CCSER1: variants seen among roughly 807,000 people sequenced by gnomAD.
The protein encoded by CCSER1 is coiled-coil serine rich protein 1, also known as serine-rich coiled-coil domain-containing protein 1.
Under a neutral mutation model 82.0 loss-of-function variants are expected in CCSER1, and 41 were observed. The observed-to-expected ratio is 0.50, with a 90% CI of 0.39 to 0.65. The LOEUF is 0.65. Ranked by LOEUF, CCSER1 falls within the 30% of genes least tolerant of loss-of-function variation. The pLI is 0.00. For synonymous variants in CCSER1, 414 were observed against 383.9 expected (o/e 1.08, Z -0.92); for missense variants, 1,119 against 1,064.2 (o/e 1.05, Z -0.72).
chr4:91,576,443 T>C (rs995602865), intron 10 of CCSER1, among the ~76,000 whole-genome samples: 4 of 151,948 alleles, frequency 2.6e-5, no homozygotes, highest in South Asian at 2.1e-4. Flanking sequence ...GGACCAAACT[T>C]TCAGTTATGA....
chr4:90,770,258 C>A lies in CCSER1; in HGVS notation c.2011-45504C>A, dbSNP rs1439053027. On this transcript the variant is annotated intron_variant, in intron 7 of 10. Transcript: ENST00000509176. ...GACCCAGCTAAGCCATACCCAAATT[C>A]CTGACTCACAGAAACTGTGTGAGAT... Among the ~76,000 whole-genome samples, 8 of 152,178 alleles carry A rather than the reference C, an allele frequency of 5.3e-5. No homozygotes were observed. In the East Asian group the frequency reaches 1.5e-3, roughly 29 times the overall value.
chr4:90,623,861 G>A (rs1478484151), intron 5 of CCSER1, among the ~76,000 whole-genome samples: 1 of 152,138 alleles, frequency 6.6e-6, no homozygotes, highest in Non-Finnish European at 1.5e-5. Context: ...GATAGTTTCT[G>A]TTAGGTTCTG....
intron 5 of CCSER1, among the ~76,000 whole-genome samples, chr4:90,553,714 G>A (rs911707310): frequency 5.9e-5 from 9 of 151,980 alleles, no homozygotes; most frequent in South Asian, 4.1e-4. Context: ...TTTACTTGAC[G>A]CTTACTCTGC....
rs535594219 is a variant in CCSER1, at chr4:90,439,023, G to A, written c.1604-29211G>A. 4.6e-5 allele frequency among the ~76,000 whole-genome samples: 7 copies of A among 152,270 alleles called. No individual in the cohort carries two copies. The South Asian group carries it at 1.4e-3, about 32-fold the overall frequency. On this transcript the variant is annotated intron_variant, in intron 4 of 10. Coordinates refer to ENST00000509176, the MANE Select transcript of CCSER1 (RefSeq NM_001145065.2). ...TTTTAAAAAGCCTTGGCTGGGCACG[G>A]TGGCTCACACCTGTAATCCCAGCAC...
intron 4 of CCSER1, among the ~76,000 whole-genome samples, chr4:90,428,107 A>G (rs902907421): frequency 6.6e-6 from 1 of 151,826 alleles, no homozygotes; most frequent in Non-Finnish European, 1.5e-5. Context: ...CAGGAAACCA[A>G]TATATCTGCT....
In CCSER1 at chr4:90,506,697, G is replaced by A. The variant is rs368729982; in HGVS notation, c.1724+38343G>A. Among the ~76,000 whole-genome samples the A allele has an allele frequency of 7.2e-3, 1,097 of 151,772 alleles. 9 individuals are homozygous for A. The highest frequency in any genetic ancestry group is 0.022 in the South Asian group (106 of 4,804). On this transcript the variant is annotated intron_variant, in intron 5 of 10. Coordinates refer to ENST00000509176, the MANE Select transcript of CCSER1 (RefSeq NM_001145065.2). ...GGAGAATGGCTTGAACCTGGGAGGC[G>A]GAGGTCACATTGAGCCAAAATTGTG... is the stretch of plus-strand genomic sequence containing the variant.
chr4:91,504,004 T>A (rs1379937486), intron 10 of CCSER1, among the ~76,000 whole-genome samples: 3 of 152,220 alleles, frequency 2.0e-5, no homozygotes, highest in Non-Finnish European at 4.4e-5. Flanking sequence ...TACTGTCTAC[T>A]CTGCATACAT....
At chr4:91,301,399 C>T (rs1744652965) in intron 10 of CCSER1, among the ~76,000 whole-genome samples, 1 of 151,610 alleles carries the variant, frequency 6.6e-6, no homozygotes. Flanking sequence ...ACATGACTGT[C>T]ATATATTCCA....
chr4:90,832,957 G>A (rs1045992351), intron 8 of CCSER1, among the ~76,000 whole-genome samples: 4 of 152,264 alleles, frequency 2.6e-5, no homozygotes, highest in African/African-American at 7.2e-5. Flanking sequence ...TGAGAGAGCA[G>A]GAAGATATTA....
At chr4:91,436,488 A>G (rs1350146511) in intron 10 of CCSER1, among the ~76,000 whole-genome samples, 1 of 152,216 alleles carries the variant, frequency 6.6e-6, no homozygotes, top group African/African-American at 2.4e-5. Context: ...AGGTGATAGA[A>G]AGTATGAGAA....
At chr4:90,410,061 A>G (rs1440911579) in intron 4 of CCSER1, among the ~76,000 whole-genome samples, 4 of 152,226 alleles carry the variant, frequency 2.6e-5, no homozygotes, top group Non-Finnish European at 4.4e-5. Context: ...TAAAGGGATC[A>G]ATTCAACAAG....
chr4:90,414,726 A>G (rs1338559182), intron 4 of CCSER1, among the ~76,000 whole-genome samples: 1 of 152,122 alleles, frequency 6.6e-6, no homozygotes, highest in Non-Finnish European at 1.5e-5. Flanking sequence ...GATATTTACT[A>G]GCATTTAATA....
intron 9 of CCSER1, among the ~76,000 whole-genome samples, chr4:91,057,113 A>T (rs1184133509): frequency 6.6e-6 from 1 of 152,110 alleles, no homozygotes; most frequent in Non-Finnish European, 1.5e-5. Flanking sequence ...AAGATCCCTG[A>T]TATTTGGAGG....
At chr4:90,211,084 T>C (rs936427167) in intron 1 of CCSER1, among the ~76,000 whole-genome samples, 4 of 152,202 alleles carry the variant, frequency 2.6e-5, no homozygotes, top group Non-Finnish European at 5.9e-5. Flanking sequence ...TACATAGTAA[T>C]ATCAGACAAT....
chr4:90,211,375 G>A (rs1739964595), intron 1 of CCSER1, among the ~76,000 whole-genome samples: 1 of 152,182 alleles, frequency 6.6e-6, no homozygotes, highest in African/African-American at 2.4e-5. Flanking sequence ...CAGCATTAGT[G>A]CTTTCAAGGG....
intron 10 of CCSER1, among the ~76,000 whole-genome samples, chr4:91,177,592 C>T (rs190730321): frequency 1.3e-5 from 2 of 152,210 alleles, no homozygotes; most frequent in South Asian, 2.1e-4. Context: ...TTTAGATTTT[C>T]TAGTTTATTT....
At chr4:91,178,810 AATATTGTT>A (rs1388793315) in intron 10 of CCSER1, among the ~76,000 whole-genome samples, 1 of 152,000 alleles carries the variant, frequency 6.6e-6, no homozygotes, top group Admixed American at 6.6e-5. Context: ...ATTTAAGGTT[AATATTGTT>A]ATGTGTGAAT....
intron 7 of CCSER1, among the ~76,000 whole-genome samples, chr4:90,764,657 A>G (rs1007030502): frequency 1.3e-5 from 2 of 152,138 alleles, no homozygotes; most frequent in African/African-American, 2.4e-5. Flanking sequence ...ATCAATTGTA[A>G]TATTGGCTTT....
Position 90,818,203 on chromosome 4 carries a change from A to G in CCSER1, c.2094+2358A>G, listed in dbSNP as rs1759272843. 3.3e-5 allele frequency among the ~76,000 whole-genome samples: 5 copies of G among 152,090 alleles called. No homozygotes were observed. The South Asian group carries it at 1.0e-3, about 32-fold the overall frequency. On this transcript the variant is annotated intron_variant, in intron 8 of 10. Coordinates refer to ENST00000509176, the MANE Select transcript of CCSER1 (RefSeq NM_001145065.2). Reference sequence around the variant, plus strand: ...TTATATTTTTGAGTTAGCCTCATCAATAGTGGGAAGAGTTGTAAAAAGTTA... The same window carrying G: ...TTATATTTTTGAGTTAGCCTCATCAGTAGTGGGAAGAGTTGTAAAAAGTTA...
Sources: gnomAD v4.1 joint callset for allele counts (sites outside exome capture counted in the v4.1 genomes callset) on GRCh38, gnomAD v4.1.1 for gene constraint, MANE v1.5 for transcripts, NCBI Gene and HGNC (gene_info 2026-07-23, HGNC 2026-07-21) for gene names.